The following CAB39 variants were observed in gnomAD, a reference collection of about 807,000 sequenced individuals.
The protein encoded by CAB39 is calcium-binding protein 39.
CAB39 carries 8 observed loss-of-function variants against 40.0 expected under a neutral mutation model. The ratio of observed to expected loss-of-function variants is 0.20; its 90% CI spans 0.12 to 0.36. The LOEUF (loss-of-function observed/expected upper bound fraction) is 0.36. CAB39 is among the 10% of genes least tolerant of loss of function. CAB39 has a pLI of 1.00. For synonymous variants in CAB39, 156 were observed against 141.6 expected (o/e 1.10, Z -0.72); for missense variants, 270 against 401.1 (o/e 0.67, Z 2.79).
intron 1 of CAB39, among the ~76,000 whole-genome samples, chr2:230,749,517 T>C (rs561213461): frequency 1.3e-5 from 2 of 152,368 alleles, no homozygotes; most frequent in East Asian, 3.9e-4. Context: ...CACTACCCAT[T>C]ATTAACCTTT....
intron 5 of CAB39, among the ~76,000 whole-genome samples, chr2:230,800,044 CAT>C (rs1553676823): frequency 6.6e-6 from 1 of 151,498 alleles, no homozygotes; most frequent in Non-Finnish European, 1.5e-5. Context: ...AAAGAAAATA[CAT>C]ATATACACAC....
At chr2:230,750,203 G>A (rs902658644) in intron 1 of CAB39, among the ~76,000 whole-genome samples, 1 of 152,182 alleles carries the variant, frequency 6.6e-6, no homozygotes, top group African/African-American at 2.4e-5. Context: ...CCCTAATGTG[G>A]CAGTGTTGGG....
chr2:230,795,876 G>GC (rs1407557272), intron 4 of CAB39, among the ~76,000 whole-genome samples: 3 of 151,882 alleles, frequency 2.0e-5, no homozygotes, highest in Admixed American at 2.0e-4. Context: ...TGATGACCTG[G>GC]CCACTTCCTT....
At position 230,790,947 on chromosome 2, in the gene CAB39, A is replaced by T. The variant is rs1285554983; in HGVS notation, c.190A>T (p.Thr64Ser). 6.2e-7 allele frequency: 1 copy of T among 1,613,398 alleles called. No individual in the cohort carries two copies. Among genetic ancestry groups the T allele is most frequent in the Non-Finnish European group, 8.5e-7 (1 of 1,179,370 alleles). The change falls in exon 3 of 9, where the codon ACA becomes TCA. Residue 64 changes from threonine to serine, a missense_variant. Coordinates refer to ENST00000258418, the MANE Select transcript of CAB39 (RefSeq NM_016289.4). ...LYGTNEKEPQ[T>S]EAVAQLAQEL... ...TGGCACAAATGAAAAAGAGCCTCAG[A>T]CAGAAGCAGTAGCTCAACTTGCTCA... is the stretch of plus-strand genomic sequence containing the variant.
chr2:230,783,192 G>A (rs944172520), intron 2 of CAB39, among the ~76,000 whole-genome samples: 23 of 152,126 alleles, frequency 1.5e-4, no homozygotes, highest in African/African-American at 5.6e-4. Flanking sequence ...TCAGCTTGGG[G>A]ACTTGTCCAC....
intron 6 of CAB39, among the ~76,000 whole-genome samples, chr2:230,812,357 G>A (rs1410328525): frequency 2.0e-5 from 3 of 152,218 alleles, no homozygotes; most frequent in African/African-American, 7.2e-5. Context: ...AGAAGTGGGT[G>A]GGAGGACAGG....
At chr2:230,718,179 G>A (rs552874341) in intron 1 of CAB39, among the ~76,000 whole-genome samples, 2 of 152,324 alleles carry the variant, frequency 1.3e-5, no homozygotes, top group Admixed American at 1.3e-4. Flanking sequence ...GACCACGGAA[G>A]TATGATACTG....
intron 1 of CAB39, among the ~76,000 whole-genome samples, chr2:230,757,732 A>G (rs1695217180): frequency 6.6e-6 from 1 of 152,206 alleles, no homozygotes; most frequent in African/African-American, 2.4e-5. Flanking sequence ...GCAGAGTTAC[A>G]GATAGGAAAG....
intron 1 of CAB39, among the ~76,000 whole-genome samples, chr2:230,732,239 G>A (rs7600560): frequency 0.11 from 16,262 of 152,048 alleles, 1,146 homozygotes; most frequent in Middle Eastern, 0.16. Flanking sequence ...CTGCCACCAC[G>A]CGCGGCTAAT....
intron 2 of CAB39, among the ~76,000 whole-genome samples, chr2:230,787,775 G>A (rs1695818205): frequency 6.6e-6 from 1 of 152,178 alleles, no homozygotes; most frequent in South Asian, 2.1e-4. Context: ...AAGAACCTGA[G>A]GGGAGGTTTT....
chr2:230,763,466 C>G (rs1019929511), intron 2 of CAB39, among the ~76,000 whole-genome samples: 7 of 152,060 alleles, frequency 4.6e-5, no homozygotes, highest in East Asian at 1.9e-4. Flanking sequence ...GTGGCACACG[C>G]CTGTAATCCC....
At chr2:230,717,762 C>A (rs527554345) in intron 1 of CAB39, among the ~76,000 whole-genome samples, 9 of 152,310 alleles carry the variant, frequency 5.9e-5, no homozygotes, top group African/African-American at 2.2e-4. Context: ...TCTCACTGAG[C>A]TTCCCAGTCC....
chr2:230,743,065 C>A (rs1176411624), intron 1 of CAB39, among the ~76,000 whole-genome samples: 1 of 152,158 alleles, frequency 6.6e-6, no homozygotes, highest in Non-Finnish European at 1.5e-5. Context: ...TTTGTTTAGC[C>A]GTTCCTTATG....
At chr2:230,780,957 C>T (rs1257516425) in intron 2 of CAB39, among the ~76,000 whole-genome samples, 3 of 151,934 alleles carry the variant, frequency 2.0e-5, no homozygotes, top group Non-Finnish European at 4.4e-5. Context: ...TGGTGTGTAC[C>T]TGTAGTCCCA....
At position 230,753,743 on chromosome 2, in the gene CAB39, CAA is replaced by C. The variant is rs60868418; in HGVS notation, c.-43-6201_-43-6200del. Among the ~76,000 whole-genome samples the C allele has an allele frequency of 8.4e-4, 72 of 85,480 alleles. 1 individual carries two copies. The highest frequency in any genetic ancestry group is 1.7e-3 in the African/African-American group (45 of 26,530). 56.1% of individuals were successfully genotyped at this position (85,480 alleles called of 152,430 possible). A position where few individuals can be genotyped will look rare whatever the true frequency, so the allele number is the denominator to read the frequency against. On this transcript the variant is annotated intron_variant, in intron 1 of 8. Coordinates refer to ENST00000258418, the MANE Select transcript of CAB39 (RefSeq NM_016289.4). ...TGAGTGACAGAGCAAGACTCCATCT[CAA>C]AAAAAAAAAAAAAAGAAAAGAAAAA...
chr2:230,740,105 T>TG (rs1296390210), intron 1 of CAB39, among the ~76,000 whole-genome samples: 1 of 152,214 alleles, frequency 6.6e-6, no homozygotes, highest in African/African-American at 2.4e-5. Context: ...TATGAATATG[T>TG]GTGCATCATG....
intron 2 of CAB39, among the ~76,000 whole-genome samples, chr2:230,770,720 G>T (rs1695466639): frequency 6.6e-6 from 1 of 152,140 alleles, no homozygotes; most frequent in Admixed American, 6.5e-5. Flanking sequence ...AGTAGACCAA[G>T]TGGGATTTAT....
At chr2:230,733,147 G>A (rs1694724949) in intron 1 of CAB39, among the ~76,000 whole-genome samples, 1 of 152,144 alleles carries the variant, frequency 6.6e-6, no homozygotes, top group Non-Finnish European at 1.5e-5. Flanking sequence ...TAGTAGGGGT[G>A]GCCAAGTGTC....
At position 230,759,979 on chromosome 2, in the gene CAB39, C is replaced by T. The variant is rs372807248; in HGVS notation, c.-23C>T. On this transcript the variant is annotated 5_prime_UTR_variant, in exon 2 of 9. Transcript: ENST00000258418. ...TCTAGGTAGCACAGGCGGAGTGCAG[C>T]GGAGGCCCCTGCCGCTGCCGTCATG... 15 of 1,383,404 alleles carry T rather than the reference C, an allele frequency of 1.1e-5. No individual in the cohort carries two copies. The highest frequency in any genetic ancestry group is 8.1e-5 in the South Asian group (7 of 86,208). 85.7% of individuals were successfully genotyped at this position (1,383,404 alleles called of 1,614,324 possible).
Sources: gnomAD v4.1 joint callset for allele counts (sites outside exome capture counted in the v4.1 genomes callset) on GRCh38, gnomAD v4.1.1 for gene constraint, MANE v1.5 for transcripts, NCBI Gene and HGNC (gene_info 2026-07-23, HGNC 2026-07-21) for gene names.